The following OR1J2 variants were observed in gnomAD, a reference collection of about 807,000 sequenced individuals.
The protein encoded by OR1J2 is olfactory receptor 1J2.
For synonymous variants in OR1J2, 142 were observed against 99.7 expected (o/e 1.42, Z -2.52); for missense variants, 304 against 246.1 (o/e 1.24, Z -1.57).
chr9:122,539,514 T>C, the OR1J2 span, among the ~76,000 whole-genome samples: 6,945 of 152,302 alleles, frequency 0.046, 220 homozygotes, highest in Middle Eastern at 0.075. Flanking sequence ...TAGTCTATCA[T>C]TGTTGGACAT....
At chr9:122,516,452 C>T (rs573695359), downstream of OR1J2, among the ~76,000 whole-genome samples, 12 of 151,924 alleles carry the variant, frequency 7.9e-5, no homozygotes, top group South Asian at 2.5e-3. Context: ...TACAGGCGCC[C>T]GCCACTACGC....
chr9:122,570,495 C>A, the OR1J2 span, among the ~76,000 whole-genome samples: 1 of 152,046 alleles, frequency 6.6e-6, no homozygotes, highest in African/African-American at 2.4e-5. Context: ...TACTAAACAC[C>A]TTTAAATCTC....
At position 122,511,689 on chromosome 9, in the gene OR1J2, C is replaced by T. The variant is rs1828640828; in HGVS notation, c.888C>T (p.Asp296=). ...TTATCTACAGCCTTAGGAACAGGGA[C>T]ATGAAAGAGGCCCTTGGGAAACTCT... ...NPFIYSLRNR[D]MKEALGKLFS... is the part of the protein sequence containing the mutation. The change falls in exon 1 of 1, where the codon GAC becomes GAT. Residue 296 remains aspartate, a synonymous_variant. Transcript: ENST00000335302. 1.0e-5 allele frequency: 8 copies of T among 780,948 alleles called. No homozygotes were observed. Among genetic ancestry groups the T allele is most frequent in the Non-Finnish European group, 1.9e-5 (8 of 418,138 alleles). 48.4% of individuals were successfully genotyped at this position (780,948 alleles called of 1,614,324 possible).
chr9:122,506,218 C>T (rs548333677), upstream of OR1J2, among the ~76,000 whole-genome samples: 114 of 152,196 alleles, frequency 7.5e-4, no homozygotes, highest in Middle Eastern at 0.014. Context: ...ACTAGAAAAA[C>T]AGAGGGTAGA....
the OR1J2 span, among the ~76,000 whole-genome samples, chr9:122,518,310 G>T: frequency 6.6e-6 from 1 of 152,206 alleles, no homozygotes; most frequent in Non-Finnish European, 1.5e-5. Context: ...TTAGTCGGTT[G>T]GGCTGCTATA....
chr9:122,483,030 A>G, the OR1J2 span, among the ~76,000 whole-genome samples: 6 of 152,340 alleles, frequency 3.9e-5, no homozygotes, highest in East Asian at 5.8e-4. Context: ...TCACTAAGAA[A>G]TGATAAATGA....
the OR1J2 span, among the ~76,000 whole-genome samples, chr9:122,459,218 T>C: frequency 6.4e-4 from 97 of 152,356 alleles, no homozygotes; most frequent in Non-Finnish European, 1.3e-3. Flanking sequence ...ATTGATTCCA[T>C]ATTTTGGCTA....
chr9:122,519,044 C>A, the OR1J2 span: 1 of 818,066 alleles, frequency 1.2e-6, no homozygotes, highest in Non-Finnish European at 2.0e-6. Context: ...TCATCAGTAG[C>A]AAGGATCTTA....
At chr9:122,478,947 C>G in the OR1J2 span, among the ~76,000 whole-genome samples, 1 of 152,004 alleles carries the variant, frequency 6.6e-6, no homozygotes, top group Non-Finnish European at 1.5e-5. Context: ...TCAGGCTGGT[C>G]TCGAACTCCT....
chr9:122,494,819 T>C, the OR1J2 span, among the ~76,000 whole-genome samples: 1 of 152,196 alleles, frequency 6.6e-6, no homozygotes, highest in African/African-American at 2.4e-5. Flanking sequence ...TTTTGGTGTA[T>C]TTTAAGGATT....
At chr9:122,449,690 T>C in the OR1J2 span, among the ~76,000 whole-genome samples, 1 of 152,138 alleles carries the variant, frequency 6.6e-6, no homozygotes, top group African/African-American at 2.4e-5. Flanking sequence ...TTTCTATCTA[T>C]CATTTTTCTG....
the OR1J2 span, chr9:122,553,391 T>A: frequency 6.2e-7 from 1 of 1,614,068 alleles, no homozygotes; most frequent in South Asian, 1.1e-5. Flanking sequence ...ACCTCCATAC[T>A]CCCATGTACT....
At chr9:122,464,771 G>A in the OR1J2 span, among the ~76,000 whole-genome samples, 18 of 152,274 alleles carry the variant, frequency 1.2e-4, no homozygotes, top group African/African-American at 3.9e-4. Flanking sequence ...CTCAGATTGC[G>A]TTCCCTCCCT....
the OR1J2 span, among the ~76,000 whole-genome samples, chr9:122,564,193 G>A: frequency 6.6e-6 from 1 of 152,090 alleles, no homozygotes; most frequent in African/African-American, 2.4e-5. Flanking sequence ...CAATTATGGG[G>A]GTCATGTGAT....
At chr9:122,546,117 A>G in the OR1J2 span, among the ~76,000 whole-genome samples, 1 of 152,046 alleles carries the variant, frequency 6.6e-6, no homozygotes, top group Non-Finnish European at 1.5e-5. Context: ...GAGAAAACTC[A>G]TTTTTACCTG....
chr9:122,579,979 T>C, the OR1J2 span, among the ~76,000 whole-genome samples: 26 of 152,240 alleles, frequency 1.7e-4, no homozygotes, highest in African/African-American at 5.5e-4. Context: ...AAGGTCGCCA[T>C]TGAAACTATT....
chr9:122,534,633 G>A, the OR1J2 span, among the ~76,000 whole-genome samples: 1 of 152,106 alleles, frequency 6.6e-6, no homozygotes, highest in Non-Finnish European at 1.5e-5. Flanking sequence ...CGGAGGCTGA[G>A]GAATAATTGG....
chr9:122,539,287 C>T, the OR1J2 span, among the ~76,000 whole-genome samples: 1 of 152,024 alleles, frequency 6.6e-6, no homozygotes, highest in Non-Finnish European at 1.5e-5. Context: ...ACAACATGCC[C>T]TGGTGTGTGA....
At chr9:122,551,616 G>A in the OR1J2 span, among the ~76,000 whole-genome samples, 3 of 152,124 alleles carry the variant, frequency 2.0e-5, no homozygotes, top group Non-Finnish European at 4.4e-5. Context: ...ACACTGCATT[G>A]CCAGCAAGAG....
Sources: gnomAD v4.1 joint callset for allele counts (sites outside exome capture counted in the v4.1 genomes callset) on GRCh38, gnomAD v4.1.1 for gene constraint, MANE v1.5 for transcripts, NCBI Gene and HGNC (gene_info 2026-07-23, HGNC 2026-07-21) for gene names.